The following UNKL variants were observed in gnomAD, a reference collection of about 807,000 sequenced individuals.
UNKL encodes unk like zinc finger.
A neutral mutation model predicts 78.0 loss-of-function variants in UNKL; 60 were observed. That is an observed-to-expected ratio of 0.77 (90% CI 0.63 to 0.95). The LOEUF (loss-of-function observed/expected upper bound fraction) is 0.95, where lower values mean the gene tolerates loss of function less well. Among genes scored for constraint, UNKL ranks in the 40% least tolerant of loss-of-function variants. The pLI is 0.00. For synonymous variants in UNKL, 608 were observed against 474.8 expected (o/e 1.28, Z -3.65); for missense variants, 1,159 against 1,045.7 (o/e 1.11, Z -1.49).
chr16:1,394,450 C>G (rs1178667320), intron 6 of UNKL: 3 of 682,342 alleles, frequency 4.4e-6, no homozygotes, highest in East Asian at 2.8e-5. Flanking sequence ...CCCGCAGCAT[C>G]TGCCCTCCCA....
intron 7 of UNKL, among the ~76,000 whole-genome samples, chr16:1,393,561 A>T (rs2037137788): frequency 6.6e-6 from 1 of 152,140 alleles, no homozygotes; most frequent in Non-Finnish European, 1.5e-5. Context: ...GCTGCTGGGA[A>T]CTTATTAGGG....
Position 1,392,994 on chromosome 16 carries a change from C to T in UNKL, c.938-18G>A. ...CAGGCTCTCTGCAAGGACAGGGGAG[C>T]AGCAGACTCTGAGGGCCGCTGGTGG... is the stretch of plus-strand genomic sequence containing the variant. On this transcript the variant is annotated intron_variant, in intron 7 of 14. Transcript: ENST00000389221. 6.5e-7 allele frequency: 1 copy of T among 1,550,060 alleles called. No homozygotes were observed. The highest frequency in any genetic ancestry group is 8.7e-7 in the Non-Finnish European group (1 of 1,146,660).
At chr16:1,401,523 G>GCCCCCCCCCCC in intron 4 of UNKL, 45 bp downstream of exon 4, 2 of 1,470,342 alleles carry the variant, frequency 1.4e-6, no homozygotes, top group Non-Finnish European at 1.8e-6. Context: ...CTCGCGCTGT[G>GCCCCCCCCCCC]CCCGCCCCCC....
intron 2 of UNKL, among the ~76,000 whole-genome samples, chr16:1,407,008 G>A (rs1358113452): frequency 1.3e-5 from 2 of 152,056 alleles, no homozygotes; most frequent in African/African-American, 4.8e-5. Flanking sequence ...AATTAGTTGG[G>A]CATGGTGGCG....
intron 10 of UNKL, among the ~76,000 whole-genome samples, chr16:1,380,624 T>TG (rs753326086): frequency 9.1e-4 from 37 of 40,514 alleles, no homozygotes; most frequent in Non-Finnish European, 9.5e-4. Flanking sequence ...GTGTCGATCC[T>TG]GAAAAAAAAA....
At chr16:1,405,786 C>T (rs2037730437) in intron 2 of UNKL, 1 of 355,264 alleles carries the variant, frequency 2.8e-6, no homozygotes, top group Non-Finnish European at 5.7e-6. Context: ...GTGATTACAC[C>T]CAGCACATGG....
At chr16:1,409,123 A>T (rs1212260481) in intron 2 of UNKL, among the ~76,000 whole-genome samples, 1 of 152,000 alleles carries the variant, frequency 6.6e-6, no homozygotes, top group Non-Finnish European at 1.5e-5. Flanking sequence ...TTCACCATGT[A>T]GGATGGTCTC....
chr16:1,368,472 G>A (rs561011454), intron 12 of UNKL, among the ~76,000 whole-genome samples: 40 of 151,944 alleles, frequency 2.6e-4, no homozygotes, highest in Admixed American at 5.2e-4. Context: ...CGTGGTGGCG[G>A]GCGCCTGTAG....
chr16:1,384,433 C>G (rs908750471), intron 10 of UNKL, among the ~76,000 whole-genome samples: 2 of 152,122 alleles, frequency 1.3e-5, no homozygotes, highest in African/African-American at 2.4e-5. Context: ...GTCCCCACAG[C>G]CCAGCACCAT....
Position 1,414,648 on chromosome 16 carries a change from G to GA in UNKL, c.43dup (p.Ser15PhefsTer6), listed in dbSNP as rs1190391786. The GA allele has an allele frequency of 2.6e-6, 3 of 1,141,456 alleles. No individual in the cohort carries two copies. Among genetic ancestry groups the GA allele is most frequent in the Non-Finnish European group, 2.2e-6 (2 of 919,192 alleles). The allele number at this position is 1,141,456 out of a possible 1,614,324, so 70.7% of individuals were successfully genotyped here. ...GGTCGGCTTCTCAGTCTGCGGGGGG[G>GA]ACCCGCTCAGCGCCGCTGCCGCCGC... On this transcript the variant is annotated frameshift_variant, in exon 1 of 15. Transcript: ENST00000389221. LOFTEE classifies it high-confidence loss of function.
chr16:1,391,934 C>T (rs1045795566), intron 8 of UNKL, among the ~76,000 whole-genome samples: 1 of 152,102 alleles, frequency 6.6e-6, no homozygotes, highest in Admixed American at 6.6e-5. Context: ...GTGATCCACC[C>T]GCCTTGGCCT....
chr16:1,395,168 T>A, intron 6 of UNKL, among the ~76,000 whole-genome samples: 1 of 146,854 alleles, frequency 6.8e-6, no homozygotes, highest in South Asian at 2.2e-4. Context: ...TCTGTTCATT[T>A]TTTTTTTTTT....
intron 6 of UNKL, chr16:1,395,905 C>T: frequency 7.6e-6 from 3 of 395,490 alleles, no homozygotes; most frequent in South Asian, 5.3e-5. Flanking sequence ...GGAAGCAGCG[C>T]CTGGTCCTTC....
At chr16:1,404,045 G>A (rs2037643651) in intron 2 of UNKL, among the ~76,000 whole-genome samples, 1 of 152,218 alleles carries the variant, frequency 6.6e-6, no homozygotes. Context: ...TAGGCAGGCA[G>A]CAGCGACGGA....
intron 10 of UNKL, chr16:1,379,525 G>T (rs2036492916): frequency 1.0e-6 from 1 of 985,070 alleles, no homozygotes. Context: ...GTGACGCGGG[G>T]GACGCACCTG....
intron 14 of UNKL, 60 bp downstream of exon 14, chr16:1,367,032 G>C: frequency 1.4e-6 from 2 of 1,463,314 alleles, no homozygotes; most frequent in Non-Finnish European, 1.8e-6. Context: ...GCCCTCCCCA[G>C]ACAGGGACAG....
intron 5 of UNKL, chr16:1,398,261 A>T: frequency 1.0e-6 from 1 of 983,238 alleles, no homozygotes; most frequent in Non-Finnish European, 1.2e-6. Flanking sequence ...TGGGCCACAG[A>T]GTGAGACTCT....
At chr16:1,396,488 C>G (rs2037265984) in intron 6 of UNKL, among the ~76,000 whole-genome samples, 1 of 150,788 alleles carries the variant, frequency 6.6e-6, no homozygotes, top group South Asian at 2.1e-4. Flanking sequence ...GTTGACCAGG[C>G]TGGTTTCGAA....
chr16:1,363,474 C>T lies in UNKL; in HGVS notation c.*2766G>A, dbSNP rs991670410. 9 of 329,256 alleles carry T rather than the reference C, an allele frequency of 2.7e-5. No homozygotes were observed. The highest frequency in any genetic ancestry group is 8.3e-5 in the East Asian group (1 of 12,030). 20.4% of individuals were successfully genotyped at this position (329,256 alleles called of 1,614,324 possible). Reference sequence around the variant, plus strand: ...CACGCGGAACAAGGTCTGCTGACCACAGTTACACACGTCGTGACACCACTG... The same window carrying T: ...CACGCGGAACAAGGTCTGCTGACCATAGTTACACACGTCGTGACACCACTG... On this transcript the variant is annotated 3_prime_UTR_variant, in exon 15 of 15. Transcript: ENST00000389221.
Sources: allele counts gnomAD v4.1 joint callset (sites outside exome capture counted in the v4.1 genomes callset), GRCh38; gene constraint gnomAD v4.1.1; transcripts MANE v1.5; gene names NCBI Gene and HGNC (gene_info 2026-07-23, HGNC 2026-07-21).